Variants in ZRANB3 observed in about 807,000 individuals in gnomAD.
ZRANB3 encodes DNA annealing helicase and endonuclease ZRANB3.
Under a neutral mutation model 133.8 loss-of-function variants are expected in ZRANB3, and 125 were observed. The observed-to-expected ratio is 0.93, with a 90% CI of 0.81 to 1.08. The LOEUF (loss-of-function observed/expected upper bound fraction) is 1.08, where lower values mean the gene tolerates loss of function less well. Among genes scored for constraint, ZRANB3 ranks in the 50% least tolerant of loss-of-function variants. The probability of loss-of-function intolerance (pLI) is 0.00; values close to 1 mark genes in which losing one functional copy is unlikely to be tolerated. For synonymous variants in ZRANB3, 387 were observed against 432.7 expected (o/e 0.89, Z 1.31); for missense variants, 1,229 against 1,275.5 (o/e 0.96, Z 0.56).
At chr2:135,517,619 G>A (rs558002488) in intron 1 of ZRANB3, among the ~76,000 whole-genome samples, 5 of 152,334 alleles carry the variant, frequency 3.3e-5, no homozygotes, top group African/African-American at 1.2e-4. Context: ...GAACAGCAAA[G>A]GTTGCTGCCT....
chr2:135,465,321 T>C (rs1245095015), intron 2 of ZRANB3, among the ~76,000 whole-genome samples: 2 of 140,130 alleles, frequency 1.4e-5, no homozygotes, highest in Admixed American at 7.5e-5. Flanking sequence ...TTGGTTCCTA[T>C]GACAACTTAT....
At chr2:135,420,789 A>G (rs1330336446) in intron 2 of ZRANB3, among the ~76,000 whole-genome samples, 1 of 152,154 alleles carries the variant, frequency 6.6e-6, no homozygotes, top group Non-Finnish European at 1.5e-5. Flanking sequence ...ATTTATTCAA[A>G]AGAGATATAA....
chr2:135,403,073 G>C (rs1003703886), intron 2 of ZRANB3, among the ~76,000 whole-genome samples: 6 of 152,100 alleles, frequency 3.9e-5, no homozygotes, highest in Non-Finnish European at 8.8e-5. Context: ...GAGGTACAAG[G>C]CTCATCTCAC....
chr2:135,224,419 C>G lies in ZRANB3; in HGVS notation c.2250+7G>C. ...GTTTCAAGTTACAGAATCTGCATGA[C>G]GCTTACCTTAGTATAGATGTGAATC... On this transcript the variant is annotated splice_region_variant and intron_variant, in intron 15 of 20. Coordinates refer to ENST00000264159, the MANE Select transcript of ZRANB3 (RefSeq NM_032143.4). The G allele has an allele frequency of 6.3e-7, 1 of 1,594,158 alleles. No individual in the cohort carries two copies. Among genetic ancestry groups the G allele is most frequent in the South Asian group, 1.2e-5 (1 of 86,938 alleles).
At chr2:135,200,628 T>C (rs1458796283) in intron 20 of ZRANB3, among the ~76,000 whole-genome samples, 188 bp from the exon 21 acceptor site, 1 of 152,108 alleles carries the variant, frequency 6.6e-6, no homozygotes, top group East Asian at 1.9e-4. Context: ...CCTGAGGTCC[T>C]AGGTTCATAG....
chr2:135,498,894 C>T (rs1037941703), intron 2 of ZRANB3, among the ~76,000 whole-genome samples: 3 of 152,170 alleles, frequency 2.0e-5, no homozygotes, highest in African/African-American at 7.2e-5. Flanking sequence ...TCTCTCAAAC[C>T]CTGTCTCCTG....
chr2:135,389,478 G>A (rs563856886), intron 3 of ZRANB3, among the ~76,000 whole-genome samples: 5 of 152,204 alleles, frequency 3.3e-5, no homozygotes, highest in East Asian at 3.9e-4. Flanking sequence ...AGGCTGAGGC[G>A]GGTGGATCAC....
At chr2:135,518,969 G>C (rs1693809569) in intron 1 of ZRANB3, among the ~76,000 whole-genome samples, 1 of 152,160 alleles carries the variant, frequency 6.6e-6, no homozygotes, top group Admixed American at 6.5e-5. Context: ...TTGTTGGACA[G>C]GGGAAACTGT....
chr2:135,213,490 T>A (rs1195227684), intron 17 of ZRANB3, among the ~76,000 whole-genome samples: 1 of 152,174 alleles, frequency 6.6e-6, no homozygotes, highest in Non-Finnish European at 1.5e-5. Context: ...CCCGATAGTA[T>A]CTCCCTGCTG....
intron 2 of ZRANB3, among the ~76,000 whole-genome samples, chr2:135,419,536 G>A (rs1004631926): frequency 6.6e-5 from 10 of 152,050 alleles, no homozygotes; most frequent in African/African-American, 2.4e-4. Flanking sequence ...CATCTGTAGG[G>A]AGGTAACAGA....
chr2:135,311,759 A>T (rs991822994), intron 8 of ZRANB3, among the ~76,000 whole-genome samples: 3 of 152,068 alleles, frequency 2.0e-5, no homozygotes, highest in African/African-American at 4.8e-5. Context: ...CTCAAAAAAA[A>T]TTTTTTTAAA....
chr2:135,493,328 A>T (rs1692501186), intron 2 of ZRANB3, among the ~76,000 whole-genome samples: 1 of 150,754 alleles, frequency 6.6e-6, no homozygotes, highest in Admixed American at 6.6e-5. Context: ...TTTTCTGTTC[A>T]TTAGAATACT....
chr2:135,451,577 C>CAA (rs141448099), intron 2 of ZRANB3, among the ~76,000 whole-genome samples: 25 of 143,910 alleles, frequency 1.7e-4, no homozygotes, highest in Middle Eastern at 3.5e-3. Context: ...AACAAAAAAA[C>CAA]AAAAAAAAAA....
chr2:135,365,277 A>T lies in ZRANB3; in HGVS notation c.181-11649T>A, dbSNP rs970629386. On this transcript the variant is annotated intron_variant, in intron 3 of 20. Transcript: ENST00000264159. ...CCAAGATTCTGTCTCAAAAAACAAA[A>T]CAAAAACGAAATTTGGCTTTTCACT... Among the ~76,000 whole-genome samples, 73 of 152,102 alleles carry T rather than the reference A, an allele frequency of 4.8e-4. 1 individual carries two copies. The highest frequency in any genetic ancestry group is 8.8e-5 in the Non-Finnish European group (6 of 68,006).
chr2:135,343,010 CAAAAAAAAAAA>C (rs11435525), intron 6 of ZRANB3, among the ~76,000 whole-genome samples: 2 of 55,232 alleles, frequency 3.6e-5, no homozygotes, highest in Non-Finnish European at 6.3e-5. Flanking sequence ...ACTAAAAATC[CAAAAAAAAAAA>C]AAAAAAAAAA....
At chr2:135,281,195 A>G (rs1681088523) in intron 8 of ZRANB3, among the ~76,000 whole-genome samples, 1 of 152,114 alleles carries the variant, frequency 6.6e-6, no homozygotes, top group African/African-American at 2.4e-5. Flanking sequence ...AGTCTTCCCT[A>G]CTGTTTTAAC....
rs145025641 is a variant in ZRANB3, at chr2:135,485,339, G to A, written c.161+18990C>T. Among the ~76,000 whole-genome samples, 16 of 152,262 alleles carry A rather than the reference G, an allele frequency of 1.1e-4. No individual in the cohort carries two copies. In the East Asian group the frequency reaches 3.1e-3, roughly 29 times the overall value. Reference sequence around the variant, plus strand: ...GGGCCAGTCTGGGTGCAGGAGAAGAGAAGCAGGCAAGGCTCAACGACAAAT... The same window carrying A: ...GGGCCAGTCTGGGTGCAGGAGAAGAAAAGCAGGCAAGGCTCAACGACAAAT... On this transcript the variant is annotated intron_variant, in intron 2 of 20. Transcript: ENST00000264159.
chr2:135,390,024 A>C (rs995489851), intron 3 of ZRANB3, among the ~76,000 whole-genome samples: 5 of 151,060 alleles, frequency 3.3e-5, no homozygotes, highest in African/African-American at 1.2e-4. Context: ...GGGACTACAG[A>C]TGCCTGCCAC....
At chr2:135,223,726 A>G (rs1694645315) in intron 15 of ZRANB3, among the ~76,000 whole-genome samples, 1 of 152,206 alleles carries the variant, frequency 6.6e-6, no homozygotes, top group Non-Finnish European at 1.5e-5. Context: ...GGTTCTCAAT[A>G]AATTTTAGGA....
Sources: allele counts gnomAD v4.1 joint callset (sites outside exome capture counted in the v4.1 genomes callset), GRCh38; gene constraint gnomAD v4.1.1; transcripts MANE v1.5; gene names NCBI Gene and HGNC (gene_info 2026-07-23, HGNC 2026-07-21).